Variants in ARSG observed in about 807,000 individuals in gnomAD.
ARSG encodes the protein arylsulfatase G, also known as ASG.
In ARSG, 37 loss-of-function variants were observed where a neutral mutation model predicts 50.5. That is an observed-to-expected ratio of 0.73 (90% CI 0.56 to 0.96). ARSG has a LOEUF of 0.96. ARSG is among the 50% of genes least tolerant of loss of function. ARSG has a pLI of 0.00. For synonymous variants in ARSG, 225 were observed against 254.6 expected, an observed-to-expected ratio of 0.88 and a Z score of 1.11; for missense variants, 629 against 675.3, an observed-to-expected ratio of 0.93 and a Z score of 0.76.
intron 11 of ARSG, among the ~76,000 whole-genome samples, chr17:68,409,377 G>A (rs1309428296): frequency 2.0e-3 from 302 of 150,266 alleles, no homozygotes; most frequent in Non-Finnish European, 3.1e-3. Flanking sequence ...ATTAAATAGG[G>A]AATCCTTTCC....
chr17:68,419,433 G>A (rs1313800643), intron 11 of ARSG, among the ~76,000 whole-genome samples: 2 of 152,020 alleles, frequency 1.3e-5, no homozygotes, highest in East Asian at 3.9e-4. Context: ...AAAATTAGCC[G>A]AGCGTGGTGG....
intron 11 of ARSG, among the ~76,000 whole-genome samples, chr17:68,411,517 A>G (rs1166652691): frequency 6.6e-6 from 1 of 151,866 alleles, no homozygotes; most frequent in East Asian, 1.9e-4. Context: ...GTTCTTTTAC[A>G]TTTGCTGAGG....
intron 11 of ARSG, among the ~76,000 whole-genome samples, chr17:68,416,437 T>G (rs959875433): frequency 6.6e-6 from 1 of 152,126 alleles, no homozygotes; most frequent in African/African-American, 2.4e-5. Context: ...TGTTTTTCTT[T>G]ATAGGTTACC....
At chr17:68,431,515 A>T in the ARSG span, among the ~76,000 whole-genome samples, 1 of 152,078 alleles carries the variant, frequency 6.6e-6, no homozygotes, top group Non-Finnish European at 1.5e-5. Context: ...TTCATTCCCA[A>T]GGTCAAAGGG....
the ARSG span, chr17:68,435,718 G>A: frequency 6.2e-7 from 1 of 1,613,992 alleles, no homozygotes; most frequent in Non-Finnish European, 8.5e-7. Context: ...GTTTTCTGTT[G>A]GTGAAAAGGA....
At chr17:68,351,819 G>C in intron 5 of ARSG, 133 bp downstream of exon 5, 1 of 642,994 alleles carries the variant, frequency 1.6e-6, no homozygotes, top group South Asian at 1.8e-5. Context: ...GGTACATTCT[G>C]TGCAAATTTA....
intron 11 of ARSG, among the ~76,000 whole-genome samples, chr17:68,405,256 A>C (rs536904160): frequency 4.2e-4 from 63 of 150,988 alleles, no homozygotes; most frequent in South Asian, 1.7e-3. Context: ...TAAGGATTGT[A>C]CTGAACCTGT....
At chr17:68,425,880 G>C (rs542296031), downstream of ARSG, 5 of 553,006 alleles carry the variant, frequency 9.0e-6, no homozygotes, top group East Asian at 1.2e-4. Context: ...GGTTTAGCTC[G>C]ACACCTAAAG....
At chr17:68,267,317 A>G (rs2075187987) in intron 1 of ARSG, 1 of 152,144 alleles carries the variant, frequency 6.6e-6, no homozygotes, top group Admixed American at 6.6e-5. Context: ...CACAAGCTCA[A>G]AGTTCTCAAG....
intron 11 of ARSG, among the ~76,000 whole-genome samples, chr17:68,410,718 C>G (rs2081961728): frequency 6.6e-6 from 1 of 152,128 alleles, no homozygotes; most frequent in Admixed American, 6.5e-5. Context: ...CTCCTTCTAC[C>G]TCTGGTAGAA....
In ARSG at chr17:68,307,628, CATGGG is replaced by C; in HGVS notation, c.136_140del (p.Met46ValfsTer3). ...ACTTTGTGATTATTTTGGCCGATGA[CATGGG>C]GTGGGGTGACCTGGGAGCAAACTGG... is the stretch of plus-strand genomic sequence containing the variant. On this transcript the variant is annotated frameshift_variant, in exon 2 of 12. Transcript: ENST00000621439. LOFTEE classifies it high-confidence loss of function. 6.2e-7 allele frequency: 1 copy of C among 1,613,390 alleles called. No homozygotes were observed. The highest frequency in any genetic ancestry group is 8.5e-7 in the Non-Finnish European group (1 of 1,179,370).
intron 2 of ARSG, among the ~76,000 whole-genome samples, chr17:68,325,086 G>C (rs1555771895): frequency 6.6e-6 from 1 of 152,150 alleles, no homozygotes; most frequent in Non-Finnish European, 1.5e-5. Context: ...TCCATGACTT[G>C]TTAGGAGCTG....
chr17:68,409,646 C>T (rs1600136240), intron 11 of ARSG, among the ~76,000 whole-genome samples: 1 of 148,952 alleles, frequency 6.7e-6, no homozygotes, highest in South Asian at 2.1e-4. Context: ...TAGTTTTTTC[C>T]AATTCTGTGA....
At chr17:68,394,756 A>T (rs879450617) in intron 9 of ARSG, among the ~76,000 whole-genome samples, 4 of 152,178 alleles carry the variant, frequency 2.6e-5, no homozygotes, top group Admixed American at 2.0e-4. Flanking sequence ...CTACTATATT[A>T]TTAAAATATC....
chr17:68,435,168 T>C, the ARSG span, among the ~76,000 whole-genome samples: 11 of 151,100 alleles, frequency 7.3e-5, no homozygotes, highest in East Asian at 1.9e-3. Flanking sequence ...GATTGCGCCA[T>C]TGCACTCCAG....
chr17:68,432,219 G>A, the ARSG span, among the ~76,000 whole-genome samples: 2 of 152,170 alleles, frequency 1.3e-5, no homozygotes, highest in South Asian at 4.1e-4. Flanking sequence ...CTGGGGGTGG[G>A]GGGAGACAAG....
At chr17:68,437,947 T>TAAAAACAAAAAAAAAAAAA in the ARSG span, among the ~76,000 whole-genome samples, 1 of 58,786 alleles carries the variant, frequency 1.7e-5, no homozygotes, top group Non-Finnish European at 3.1e-5. Context: ...GACATCTCTC[T>TAAAAACAAAAAAAAAAAAA]TAAAAAAAAA....
At chr17:68,415,876 T>C (rs1487730309) in intron 11 of ARSG, among the ~76,000 whole-genome samples, 1 of 152,234 alleles carries the variant, frequency 6.6e-6, no homozygotes, top group African/African-American at 2.4e-5. Flanking sequence ...AATATCTTTT[T>C]CTACCCCTTT....
At chr17:68,365,431 A>C (rs918707197) in intron 6 of ARSG, among the ~76,000 whole-genome samples, 1 of 152,202 alleles carries the variant, frequency 6.6e-6, no homozygotes, top group Admixed American at 6.5e-5. Context: ...AGGTTAAGTT[A>C]ATTGTCCAGG....
Sources: allele counts gnomAD v4.1 joint callset (sites outside exome capture counted in the v4.1 genomes callset), GRCh38; gene constraint gnomAD v4.1.1; transcripts MANE v1.5; gene names NCBI Gene and HGNC (gene_info 2026-07-23, HGNC 2026-07-21).